The following NRF1 variants were observed in gnomAD, a reference collection of about 807,000 sequenced individuals.
The protein encoded by NRF1 is nuclear respiratory factor 1.
A neutral mutation model predicts 58.5 loss-of-function variants in NRF1; 5 were observed. The ratio of observed to expected loss-of-function variants is 0.09; its 90% CI spans 0.04 to 0.18. The LOEUF is 0.18. Among genes scored for constraint, NRF1 ranks in the 10% least tolerant of loss-of-function variants. The probability of loss-of-function intolerance (pLI) is 1.00; values close to 1 mark genes in which losing one functional copy is unlikely to be tolerated. For synonymous variants in NRF1, 224 were observed against 246.7 expected, an observed-to-expected ratio of 0.91 and a Z score of 0.86; for missense variants, 288 against 657.7, an observed-to-expected ratio of 0.44 and a Z score of 6.15.
chr7:129,742,932 A>T (rs1289094769), intron 10 of NRF1, among the ~76,000 whole-genome samples: 1 of 152,198 alleles, frequency 6.6e-6, no homozygotes, highest in Non-Finnish European at 1.5e-5. Flanking sequence ...CGTGCCCATC[A>T]TCACAGGAAG....
intron 9 of NRF1, among the ~76,000 whole-genome samples, chr7:129,722,117 G>A (rs966173262): frequency 1.3e-5 from 2 of 152,102 alleles, no homozygotes; most frequent in African/African-American, 4.8e-5. Flanking sequence ...TTTCTAGGCT[G>A]GGCGTGGTGG....
chr7:129,704,298 C>T (rs1584657354), intron 5 of NRF1, among the ~76,000 whole-genome samples: 1 of 152,032 alleles, frequency 6.6e-6, no homozygotes, highest in South Asian at 2.1e-4. Flanking sequence ...TAAACTCATT[C>T]TTCTGCCGCC....
intron 5 of NRF1, among the ~76,000 whole-genome samples, chr7:129,701,180 CATT>C (rs1473014629): frequency 1.3e-5 from 2 of 151,982 alleles, no homozygotes; most frequent in East Asian, 3.9e-4. Context: ...AATAAGCAAA[CATT>C]ATAAGCAGTT....
chr7:129,730,224 C>T (rs1305997053), intron 10 of NRF1, among the ~76,000 whole-genome samples: 2 of 151,956 alleles, frequency 1.3e-5, no homozygotes, highest in Admixed American at 1.3e-4. Context: ...GAGGCCTCTC[C>T]ATATTGCTCT....
intron 1 of NRF1, among the ~76,000 whole-genome samples, chr7:129,629,027 A>C (rs1045493867): frequency 2.0e-5 from 3 of 152,248 alleles, no homozygotes; most frequent in Admixed American, 1.3e-4. Context: ...GACTCACTGT[A>C]GCAGATACAA....
chr7:129,673,447 G>A (rs1802095534), intron 3 of NRF1, among the ~76,000 whole-genome samples: 1 of 152,146 alleles, frequency 6.6e-6, no homozygotes. Context: ...GCTGTTTTCG[G>A]GGTCGGGCGC....
intron 1 of NRF1, among the ~76,000 whole-genome samples, chr7:129,647,029 A>G (rs1200923320): frequency 6.6e-6 from 1 of 152,124 alleles, no homozygotes; most frequent in South Asian, 2.1e-4. Context: ...GTGAGCTTAC[A>G]GTATTTTCTT....
chr7:129,624,383 T>C (rs1303966604), intron 1 of NRF1, among the ~76,000 whole-genome samples: 1 of 152,182 alleles, frequency 6.6e-6, no homozygotes, highest in Non-Finnish European at 1.5e-5. Flanking sequence ...GCCTGAGACA[T>C]AGCAAGCAGT....
chr7:129,693,884 AT>A (rs1214244605), intron 5 of NRF1, among the ~76,000 whole-genome samples: 2 of 152,126 alleles, frequency 1.3e-5, no homozygotes, highest in African/African-American at 4.8e-5. Context: ...TCTTTGTCAC[AT>A]TTGGTGTGTT....
intron 5 of NRF1, among the ~76,000 whole-genome samples, chr7:129,694,133 C>T (rs1433328552): frequency 1.3e-5 from 2 of 152,130 alleles, no homozygotes; most frequent in Non-Finnish European, 2.9e-5. Context: ...CATATGCTCC[C>T]TCTTTCCCCT....
intron 1 of NRF1, among the ~76,000 whole-genome samples, chr7:129,634,828 A>G (rs377073775): frequency 2.6e-5 from 4 of 152,210 alleles, no homozygotes; most frequent in African/African-American, 7.2e-5. Context: ...TTTCAAAAAC[A>G]CCTTACTCAG....
chr7:129,619,488 G>GTATATATATATATA (rs1346163996), intron 1 of NRF1, among the ~76,000 whole-genome samples: 1 of 40,610 alleles, frequency 2.5e-5, no homozygotes, highest in Admixed American at 2.7e-4. Context: ...GTGTGTGTGT[G>GTATATATATATATA]TGTATATATA....
intron 4 of NRF1, among the ~76,000 whole-genome samples, chr7:129,689,111 TG>T (rs1160123052): frequency 3.3e-5 from 5 of 152,234 alleles, no homozygotes; most frequent in African/African-American, 4.8e-5. Flanking sequence ...ACTGAATCTC[TG>T]GAAAGATAAT....
chr7:129,619,341 C>T (rs1213048778), intron 1 of NRF1, among the ~76,000 whole-genome samples: 1 of 136,000 alleles, frequency 7.4e-6, no homozygotes, highest in African/African-American at 2.8e-5. Context: ...AGCAAGACCT[C>T]GTATCTATTA....
At chr7:129,677,146 G>A (rs59453060) in intron 3 of NRF1, among the ~76,000 whole-genome samples, 4,682 of 151,708 alleles carry the variant, frequency 0.031, 244 homozygotes, top group African/African-American at 0.1. Context: ...AAGAATCTAG[G>A]ATTACAGGCG....
intron 5 of NRF1, among the ~76,000 whole-genome samples, chr7:129,706,652 A>T (rs1286853060): frequency 6.6e-6 from 1 of 152,180 alleles, no homozygotes; most frequent in Non-Finnish European, 1.5e-5. Context: ...GCTGATGCTG[A>T]GCCCACCTTT....
intron 5 of NRF1, among the ~76,000 whole-genome samples, chr7:129,704,018 T>G (rs1180444145): frequency 6.6e-6 from 1 of 152,098 alleles, no homozygotes; most frequent in Non-Finnish European, 1.5e-5. Flanking sequence ...TTCTGACAAT[T>G]TCCATTAGTA....
chr7:129,647,263 C>T (rs1801429670), intron 1 of NRF1, among the ~76,000 whole-genome samples: 1 of 152,000 alleles, frequency 6.6e-6, no homozygotes, highest in African/African-American at 2.4e-5. Context: ...GACTCCAGAC[C>T]TCGCGATCTG....
chr7:129,670,116 C>T (rs1802013891), intron 2 of NRF1, among the ~76,000 whole-genome samples: 1 of 152,174 alleles, frequency 6.6e-6, no homozygotes, highest in South Asian at 2.1e-4. Flanking sequence ...CTGCATGATT[C>T]TACTTATAGA....
Sources: allele counts gnomAD v4.1 joint callset (sites outside exome capture counted in the v4.1 genomes callset), GRCh38; gene constraint gnomAD v4.1.1; transcripts MANE v1.5; gene names NCBI Gene and HGNC (gene_info 2026-07-23, HGNC 2026-07-21).